DGKG: variants seen among roughly 807,000 people sequenced by gnomAD.
The protein encoded by DGKG is DAG kinase gamma.
DGKG carries 78 observed loss-of-function variants against 105.3 expected under a neutral mutation model. That is an observed-to-expected ratio of 0.74 (90% confidence interval 0.62 to 0.89). The LOEUF (loss-of-function observed/expected upper bound fraction) is 0.89. Among genes scored for constraint, DGKG ranks in the 40% least tolerant of loss-of-function variants. The pLI, the probability that DGKG is intolerant of heterozygous loss-of-function variation, is 0.00. For synonymous variants in DGKG, 346 were observed against 367.1 expected (o/e 0.94, Z 0.66); for missense variants, 958 against 1,020.1 (o/e 0.94, Z 0.83).
intron 20 of DGKG, among the ~76,000 whole-genome samples, chr3:186,225,103 TA>T (rs1227344800): frequency 4.6e-5 from 7 of 151,980 alleles, no homozygotes; most frequent in Non-Finnish European, 1.0e-4. Flanking sequence ...TTTATTTACT[TA>T]TTTTTTTTGA....
At chr3:186,342,483 T>C (rs1324717184) in intron 1 of DGKG, among the ~76,000 whole-genome samples, 1 of 152,218 alleles carries the variant, frequency 6.6e-6, no homozygotes, top group East Asian at 1.9e-4. Flanking sequence ...GACAAGTCTC[T>C]TCATTTCCCT....
intron 3 of DGKG, among the ~76,000 whole-genome samples, chr3:186,302,557 TAC>T (rs1246127568): frequency 1.8e-3 from 52 of 29,156 alleles, no homozygotes; most frequent in African/African-American, 3.4e-3. Context: ...TATATATATA[TAC>T]ACATATGTAT....
At chr3:186,254,797 G>A (rs1313938650) in intron 17 of DGKG, among the ~76,000 whole-genome samples, 1 of 152,162 alleles carries the variant, frequency 6.6e-6, no homozygotes, top group Admixed American at 6.5e-5. Flanking sequence ...AAGAAGGGAA[G>A]TCCATGAACC....
intron 22 of DGKG, among the ~76,000 whole-genome samples, chr3:186,167,265 T>G (rs1275744101): frequency 6.6e-6 from 1 of 152,234 alleles, no homozygotes; most frequent in Non-Finnish European, 1.5e-5. Flanking sequence ...TGACTACCAC[T>G]GAGGCAGGAC....
chr3:186,273,323 G>GT (rs888105097), intron 10 of DGKG, among the ~76,000 whole-genome samples: 1 of 148,678 alleles, frequency 6.7e-6, no homozygotes, highest in African/African-American at 2.5e-5. Flanking sequence ...TAAAATGTGG[G>GT]TAAGAGCTGG....
At chr3:186,247,814 T>C (rs1053269992) in intron 19 of DGKG, among the ~76,000 whole-genome samples, 3 of 152,184 alleles carry the variant, frequency 2.0e-5, no homozygotes, top group Non-Finnish European at 2.9e-5. Flanking sequence ...AGAAAGATAT[T>C]GTGAAGTTGT....
chr3:186,329,238 A>G (rs919057885), intron 1 of DGKG, among the ~76,000 whole-genome samples: 10 of 152,182 alleles, frequency 6.6e-5, no homozygotes, highest in African/African-American at 2.4e-4. Flanking sequence ...ACTCTGAGCA[A>G]TTGCTTCAGC....
intron 20 of DGKG, among the ~76,000 whole-genome samples, chr3:186,235,657 G>T (rs930462932): frequency 6.6e-5 from 10 of 152,236 alleles, no homozygotes; most frequent in African/African-American, 9.6e-5. Context: ...AGAGCATACT[G>T]CAGGTATTCA....
chr3:186,268,053 C>T (rs1467459413), intron 12 of DGKG, among the ~76,000 whole-genome samples: 2 of 152,168 alleles, frequency 1.3e-5, no homozygotes, highest in African/African-American at 4.8e-5. Flanking sequence ...TTCAGTGTGG[C>T]ACCCCATGTT....
intron 22 of DGKG, among the ~76,000 whole-genome samples, chr3:186,177,557 A>G (rs777275161): frequency 2.0e-5 from 3 of 152,206 alleles, no homozygotes; most frequent in African/African-American, 4.8e-5. Flanking sequence ...CATTATGCCA[A>G]TATTAACACG....
intron 12 of DGKG, among the ~76,000 whole-genome samples, 164 bp downstream of exon 12, chr3:186,268,637 G>A (rs1722170294): frequency 6.6e-6 from 1 of 152,200 alleles, no homozygotes; most frequent in Admixed American, 6.5e-5. Context: ...TAATTCACTG[G>A]AGCATCGTTA....
intron 24 of DGKG, among the ~76,000 whole-genome samples, chr3:186,152,019 T>C (rs4398423): frequency 0.67 from 101,927 of 151,932 alleles, 34,540 homozygotes; most frequent in East Asian, 0.93. Flanking sequence ...GCGGAGGTTG[T>C]GGTGAGCCAA....
chr3:186,272,843 C>T (rs1189536441), intron 10 of DGKG, among the ~76,000 whole-genome samples: 4 of 152,112 alleles, frequency 2.6e-5, no homozygotes, highest in Non-Finnish European at 5.9e-5. Flanking sequence ...CTCAGCCTCC[C>T]GAGTTGCTGG....
Position 186,360,954 on chromosome 3 carries a change from G to A in DGKG, c.-249+992C>T, listed in dbSNP as rs115306594. ...TAATGAAGTCCGAGGAGGCAGCGGC[G>A]CAGCGCGGGAGAGCGCGCCCACGGG... On this transcript the variant is annotated intron_variant, in intron 1 of 24. Transcript: ENST00000265022. Among the ~76,000 whole-genome samples the A allele has an allele frequency of 3.4e-3, 519 of 152,350 alleles. 2 individuals carry two copies. The highest frequency in any genetic ancestry group is 0.012 in the African/African-American group (482 of 41,588).
intron 20 of DGKG, among the ~76,000 whole-genome samples, chr3:186,215,412 C>CAAA (rs71632094): frequency 2.7e-5 from 2 of 73,374 alleles, no homozygotes; most frequent in African/African-American, 6.2e-5. Context: ...CCCCCATCTC[C>CAAA]AAAAAAAAAA....
chr3:186,182,698 A>T (rs1415003831), intron 22 of DGKG, among the ~76,000 whole-genome samples: 1 of 152,092 alleles, frequency 6.6e-6, no homozygotes, highest in Non-Finnish European at 1.5e-5. Flanking sequence ...ATGTAACTCT[A>T]AGATTTTTTT....
At chr3:186,204,429 G>A (rs1003274725) in intron 21 of DGKG, among the ~76,000 whole-genome samples, 18 of 152,014 alleles carry the variant, frequency 1.2e-4, no homozygotes, top group Non-Finnish European at 2.9e-5. Context: ...TAATAATGGC[G>A]CTGGTTTAGA....
At chr3:186,325,416 G>T (rs1251681768) in intron 1 of DGKG, among the ~76,000 whole-genome samples, 3 of 152,118 alleles carry the variant, frequency 2.0e-5, no homozygotes, top group African/African-American at 7.2e-5. Flanking sequence ...TAAAAAATCA[G>T]CTGGCAGTAG....
chr3:186,174,074 G>A (rs1399954638), intron 22 of DGKG, among the ~76,000 whole-genome samples: 1 of 152,220 alleles, frequency 6.6e-6, no homozygotes, highest in Non-Finnish European at 1.5e-5. Context: ...GAAACAGCAC[G>A]AGCTTCGGAC....
Sources: gnomAD v4.1 joint callset for allele counts (sites outside exome capture counted in the v4.1 genomes callset) on GRCh38, gnomAD v4.1.1 for gene constraint, MANE v1.5 for transcripts, NCBI Gene and HGNC (gene_info 2026-07-23, HGNC 2026-07-21) for gene names.